ZFR: variants seen among roughly 807,000 people sequenced by gnomAD.
ZFR encodes zinc finger RNA binding protein, also known as zinc finger RNA-binding protein.
A neutral mutation model predicts 130.7 loss-of-function variants in ZFR; 19 were observed. That is an observed-to-expected ratio of 0.15 (90% CI 0.10 to 0.21). The LOEUF (loss-of-function observed/expected upper bound fraction) is 0.21. Ranked by LOEUF, ZFR falls within the 10% of genes least tolerant of loss-of-function variation. The probability of loss-of-function intolerance (pLI) is 1.00; values close to 1 mark genes in which losing one functional copy is unlikely to be tolerated. For missense variants in ZFR, 872 were observed against 1,321.5 expected, an observed-to-expected ratio of 0.66 and a Z score of 5.27; for synonymous variants, 466 against 456.9, an observed-to-expected ratio of 1.02 and a Z score of -0.25.
At chr5:32,371,672 G>A (rs714932) in intron 17 of ZFR, among the ~76,000 whole-genome samples, 42,970 of 151,614 alleles carry the variant, frequency 0.28, 6,722 homozygotes, top group Middle Eastern at 0.43. Flanking sequence ...CCAGAAAAAA[G>A]AAAAACACTA....
intron 12 of ZFR, 94 bp downstream of exon 12, chr5:32,390,181 A>G: frequency 1.4e-6 from 2 of 1,442,148 alleles, no homozygotes; most frequent in Non-Finnish European, 1.9e-6. Context: ...TTACAAGATT[A>G]TTAAGTCTAA....
chr5:32,360,651 G>A (rs1183379356), intron 19 of ZFR, among the ~76,000 whole-genome samples: 1 of 152,056 alleles, frequency 6.6e-6, no homozygotes, highest in East Asian at 1.9e-4. Context: ...AAGTTTTTGT[G>A]GGGACATATT....
chr5:32,403,471 A>G, intron 7 of ZFR, 74 bp from the exon 8 acceptor site: 1 of 1,508,244 alleles, frequency 6.6e-7, no homozygotes, highest in Non-Finnish European at 8.9e-7. Context: ...AACATTATAA[A>G]ATGAAAATCT....
At position 32,381,098 on chromosome 5, in the gene ZFR, G is replaced by A. The variant is rs567765559; in HGVS notation, c.2642-926C>T. Among the ~76,000 whole-genome samples the A allele has an allele frequency of 5.3e-5, 8 of 152,146 alleles. No homozygotes were observed. The South Asian group carries it at 6.2e-4, about 12-fold the overall frequency. ...AGAAACAATAGGCAAGCAGAACAGC[G>A]AATAGGAACTAGTATGGTTAAACAG... On this transcript the variant is annotated intron_variant, in intron 15 of 19. Transcript: ENST00000265069.
intron 17 of ZFR, among the ~76,000 whole-genome samples, chr5:32,372,405 G>A (rs1752692594): frequency 6.6e-6 from 1 of 152,104 alleles, no homozygotes; most frequent in Non-Finnish European, 1.5e-5. Context: ...GGGGATATGT[G>A]GGAACTCTAT....
chr5:32,405,484 G>A (rs1199825243), intron 6 of ZFR, among the ~76,000 whole-genome samples: 5 of 152,164 alleles, frequency 3.3e-5, no homozygotes. Context: ...ACCCAGCACA[G>A]CAAAAATAGC....
intron 17 of ZFR, among the ~76,000 whole-genome samples, chr5:32,375,080 G>A (rs1190490669): frequency 6.6e-6 from 1 of 152,148 alleles, no homozygotes; most frequent in Non-Finnish European, 1.5e-5. Flanking sequence ...CTATTGGCAA[G>A]CAGAACTTAA....
intron 13 of ZFR, 43 bp from the exon 14 acceptor site, chr5:32,387,742 C>T (rs1042384981): frequency 6.4e-7 from 1 of 1,553,406 alleles, no homozygotes; most frequent in Non-Finnish European, 8.7e-7. Flanking sequence ...CTCTGCTTAA[C>T]CAGAAGCATG....
At chr5:32,440,437 C>T (rs543021558) in intron 2 of ZFR, among the ~76,000 whole-genome samples, 56 of 152,194 alleles carry the variant, frequency 3.7e-4, no homozygotes, top group African/African-American at 1.3e-3. Flanking sequence ...GACCGGAGTT[C>T]GGGAGTTTGA....
At chr5:32,364,797 T>A (rs1248849975) in intron 17 of ZFR, 1 of 152,200 alleles carries the variant, frequency 6.6e-6, no homozygotes, top group African/African-American at 2.4e-5. Flanking sequence ...GAGTGGTGTT[T>A]TGAAGGGTCT....
chr5:32,427,374 CAAAAAAAA>C (rs540663022), intron 2 of ZFR, among the ~76,000 whole-genome samples: 1 of 66,504 alleles, frequency 1.5e-5, no homozygotes, highest in Admixed American at 1.7e-4. Context: ...GACTCTGTCT[CAAAAAAAA>C]AAAAAAAAAA....
At chr5:32,427,458 T>C (rs1243568430) in intron 2 of ZFR, among the ~76,000 whole-genome samples, 1 of 150,612 alleles carries the variant, frequency 6.6e-6, no homozygotes, top group African/African-American at 2.4e-5. Flanking sequence ...AACGTGTGTA[T>C]TAAAAACTAC....
chr5:32,386,922 C>A (rs1256395180), intron 14 of ZFR, among the ~76,000 whole-genome samples: 1 of 152,044 alleles, frequency 6.6e-6, no homozygotes, highest in African/African-American at 2.4e-5. Flanking sequence ...AAATCTCAGT[C>A]ATTCTGACAA....
intron 17 of ZFR, 23 bp downstream of exon 17, chr5:32,379,092 C>T (rs1421304829): frequency 6.5e-7 from 1 of 1,547,912 alleles, no homozygotes; most frequent in South Asian, 1.1e-5. Flanking sequence ...TGTTTTTACA[C>T]CATACAGTTA....
At chr5:32,436,035 A>G (rs1023059702) in intron 2 of ZFR, among the ~76,000 whole-genome samples, 8 of 151,676 alleles carry the variant, frequency 5.3e-5, no homozygotes, top group African/African-American at 1.7e-4. Flanking sequence ...CGACCTTGCT[A>G]TCATCTTTTG....
chr5:32,385,476 A>G, intron 15 of ZFR, 32 bp downstream of exon 15: 5 of 1,605,904 alleles, frequency 3.1e-6, no homozygotes, highest in Non-Finnish European at 4.3e-6. Flanking sequence ...AAAAAAGTTA[A>G]TAGAAAGTAG....
Position 32,387,633 on chromosome 5 carries a change from A to G in ZFR, c.2415T>C (p.Asn805=), listed in dbSNP as rs1319801011. The stretch of plus-strand genomic sequence containing the variant: ...CTGAGCACAGCAAAACAAGGTTGAC[A>G]TTTCTATCTCCTCGGAGAAGTAATC... ...AKGLLLRGDR[N]VNLVLLCSEK... is the part of the protein sequence containing the mutation. The change falls in exon 14 of 20, where the codon AAT becomes AAC. Residue 805 remains asparagine, a synonymous_variant. Transcript: ENST00000265069. 3.7e-6 allele frequency: 6 copies of G among 1,613,744 alleles called. No homozygotes were observed. Among genetic ancestry groups the G allele is most frequent in the Middle Eastern group, 1.7e-4 (1 of 6,060 alleles).
chr5:32,415,979 T>A (rs1011068254), intron 4 of ZFR, among the ~76,000 whole-genome samples: 23 of 152,254 alleles, frequency 1.5e-4, no homozygotes, highest in African/African-American at 5.3e-4. Context: ...ATCTTTTTTT[T>A]TTTTGAGACA....
At chr5:32,441,899 A>C (rs1394522168) in intron 2 of ZFR, among the ~76,000 whole-genome samples, 1 of 152,168 alleles carries the variant, frequency 6.6e-6, no homozygotes, top group Admixed American at 6.5e-5. Context: ...TGTACACTTA[A>C]TCAATTTAGT....
Sources: allele counts gnomAD v4.1 joint callset (sites outside exome capture counted in the v4.1 genomes callset), GRCh38; gene constraint gnomAD v4.1.1; transcripts MANE v1.5; gene names NCBI Gene and HGNC (gene_info 2026-07-23, HGNC 2026-07-21).